HEATR3: variants seen among roughly 807,000 people sequenced by gnomAD.
HEATR3 encodes the protein HEAT repeat-containing protein 3.
HEATR3 carries 56 observed loss-of-function variants against 72.8 expected under a neutral mutation model. That is an observed-to-expected ratio of 0.77 (90% CI 0.62 to 0.96). The LOEUF is 0.96. Among genes scored for constraint, HEATR3 ranks in the 40% least tolerant of loss-of-function variants. The pLI is 0.00. For synonymous variants in HEATR3, 331 were observed against 318.1 expected (o/e 1.04, Z -0.43); for missense variants, 747 against 831.4 (o/e 0.90, Z 1.25).
rs1397357675 is a variant in HEATR3, at chr16:50,075,629, T to C, written c.681T>C (p.Ala227=). The C allele has an allele frequency of 2.5e-6, 4 of 1,613,866 alleles. No individual in the cohort carries two copies. Among genetic ancestry groups the C allele is most frequent in the South Asian group, 2.2e-5 (2 of 91,080 alleles). ...CAGAGCTGCTGAAGTCTTTCAGTGC[T>C]ACAGCATTGAACATGCTGGAATCAG... The part of the protein sequence containing the change: ...DNPELLKSFS[A]TALNMLESAL... The change falls in exon 6 of 15, where the codon GCT becomes GCC. Residue 227 remains alanine (A), a synonymous_variant. Transcript: ENST00000299192.
At chr16:50,103,751 C>T (rs897963001) in intron 14 of HEATR3, among the ~76,000 whole-genome samples, 10 of 152,182 alleles carry the variant, frequency 6.6e-5, no homozygotes, top group Non-Finnish European at 1.0e-4. Context: ...ACAGGCCAGG[C>T]GCAGTGGCTC....
At chr16:50,104,366 C>A (rs924151001) in intron 14 of HEATR3, among the ~76,000 whole-genome samples, 3 of 152,076 alleles carry the variant, frequency 2.0e-5, no homozygotes, top group Middle Eastern at 3.4e-3. Context: ...AACAAAAAAA[C>A]CACAACACTA....
chr16:50,071,232 T>C (rs2036604142), intron 4 of HEATR3, among the ~76,000 whole-genome samples: 2 of 152,240 alleles, frequency 1.3e-5, no homozygotes, highest in African/African-American at 2.4e-5. Context: ...CAGTTTCTTA[T>C]CTTCAGTCAG....
At chr16:50,091,648 G>A (rs1357472881) in intron 11 of HEATR3, among the ~76,000 whole-genome samples, 2 of 152,056 alleles carry the variant, frequency 1.3e-5, no homozygotes, top group Non-Finnish European at 2.9e-5. Context: ...GCCGAGGCGG[G>A]CAGATCATGA....
Position 50,084,190 on chromosome 16 carries a change from A to T in HEATR3, c.1189A>T (p.Met397Leu), listed in dbSNP as rs1404718813. The change falls in exon 9 of 15, where the codon ATG (methionine) becomes TTG (leucine). Residue 397 changes from methionine to leucine, a missense_variant. Met to Leu is a conservative substitution (Grantham distance 15, BLOSUM62 2). Transcript: ENST00000299192. ...TAGCAGTGATGAAAGTGACGCATTT[A>T]TGGAGAATTCCTTCAGTGAGTGCGG... Reference protein sequence around the residue: ...LSSSDESDAFMENSFSECGGQ... With the variant: ...LSSSDESDAFLENSFSECGGQ... The T allele has an allele frequency of 6.2e-7, 1 of 1,614,070 alleles. No homozygotes were observed. Among genetic ancestry groups the T allele is most frequent in the Non-Finnish European group, 8.5e-7 (1 of 1,180,056 alleles).
chr16:50,085,409 T>C (rs917711444), intron 10 of HEATR3, among the ~76,000 whole-genome samples: 9 of 152,154 alleles, frequency 5.9e-5, no homozygotes. Flanking sequence ...GAGGATCACT[T>C]GAGGCCAGGA....
intron 7 of HEATR3, among the ~76,000 whole-genome samples, chr16:50,083,217 C>T (rs1334559641): frequency 6.6e-6 from 1 of 152,106 alleles, no homozygotes; most frequent in Non-Finnish European, 1.5e-5. Flanking sequence ...AGCTCATGTA[C>T]TGTTTTGGAA....
chr16:50,066,503 GC>G lies in HEATR3; in HGVS notation c.277del (p.Leu93TrpfsTer11). On this transcript the variant is annotated frameshift_variant, in exon 2 of 15. Transcript: ENST00000299192. LOFTEE classifies it high-confidence loss of function. ...CTCGGGCCGCTGCTGCTAGACCCCA[GC>G]CTGGCCGTCAGGGAGACTGCAGCCG... ...RRLGPLLLDP[S>X]LAVRETAAGA... The G allele has an allele frequency of 7.6e-7, 1 of 1,323,480 alleles. No homozygotes were observed. The highest frequency in any genetic ancestry group is 9.6e-7 in the Non-Finnish European group (1 of 1,042,384). 82.0% of individuals were successfully genotyped at this position (1,323,480 alleles called of 1,614,324 possible).
chr16:50,079,156 C>A, intron 7 of HEATR3, 138 bp downstream of exon 7: 3 of 774,074 alleles, frequency 3.9e-6, no homozygotes, highest in Non-Finnish European at 6.1e-6. Context: ...TCATATTTTC[C>A]TGTTGATTCT....
At chr16:50,095,668 C>T (rs1163769786) in intron 12 of HEATR3, among the ~76,000 whole-genome samples, 1 of 152,008 alleles carries the variant, frequency 6.6e-6, no homozygotes. Context: ...GCTGGGATTA[C>T]AGGTGTGCGC....
intron 12 of HEATR3, among the ~76,000 whole-genome samples, chr16:50,096,343 A>C (rs1408982319): frequency 2.6e-5 from 2 of 75,536 alleles, no homozygotes. Context: ...AAAAAAAAAA[A>C]AACAGAAAAA....
intron 13 of HEATR3, 113 bp downstream of exon 13, chr16:50,100,486 A>G (rs2037342718): frequency 3.8e-6 from 4 of 1,059,778 alleles, no homozygotes; most frequent in Non-Finnish European, 4.2e-6. Context: ...AGTCATATCA[A>G]GTTGCTTTAT....
intron 13 of HEATR3, among the ~76,000 whole-genome samples, chr16:50,101,106 C>T (rs992584875): frequency 6.9e-6 from 1 of 144,342 alleles, no homozygotes; most frequent in Non-Finnish European, 1.5e-5. Context: ...ACTTGCAAAG[C>T]TTTTTTTTTT....
chr16:50,092,335 C>T (rs2037131898), intron 11 of HEATR3, among the ~76,000 whole-genome samples: 1 of 151,832 alleles, frequency 6.6e-6, no homozygotes, highest in Non-Finnish European at 1.5e-5. Flanking sequence ...TATGAGACAG[C>T]CCTTGTTACT....
intron 10 of HEATR3, among the ~76,000 whole-genome samples, chr16:50,084,992 C>T (rs746439131): frequency 6.6e-5 from 10 of 151,920 alleles, no homozygotes; most frequent in Non-Finnish European, 1.3e-4. Flanking sequence ...ATTGTTGAAC[C>T]AAAAAAGCGA....
At chr16:50,097,650 C>T (rs898550131) in intron 12 of HEATR3, among the ~76,000 whole-genome samples, 1 of 152,098 alleles carries the variant, frequency 6.6e-6, no homozygotes, top group Non-Finnish European at 1.5e-5. Context: ...CACAGTGGCT[C>T]ATGCCTGTAA....
rs375630163 is a variant in HEATR3, at chr16:50,084,186, A to G, written c.1185A>G (p.Ala395=). 1.2e-6 allele frequency: 2 copies of G among 1,614,044 alleles called. No individual in the cohort carries two copies. The highest frequency in any genetic ancestry group is 1.3e-5 in the African/African-American group (1 of 74,908). Residue 395 remains alanine (A), a synonymous_variant, in exon 9 of 15, where the codon GCA becomes GCG. Coordinates refer to ENST00000299192, the MANE Select transcript of HEATR3 (RefSeq NM_182922.4). ...TTTCTAGCAGTGATGAAAGTGACGC[A>G]TTTATGGAGAATTCCTTCAGTGAGT... ...EELSSSDESD[A]FMENSFSECG...
At chr16:50,084,931 G>T (rs2036955590) in intron 10 of HEATR3, among the ~76,000 whole-genome samples, 1 of 152,260 alleles carries the variant, frequency 6.6e-6, no homozygotes, top group Non-Finnish European at 1.5e-5. Flanking sequence ...AATACATGCA[G>T]CAGTAAAAGG....
chr16:50,087,118 C>G (rs1009235759), intron 11 of HEATR3, among the ~76,000 whole-genome samples: 6 of 152,178 alleles, frequency 3.9e-5, no homozygotes, highest in Non-Finnish European at 7.3e-5. Flanking sequence ...GCACCAGTTA[C>G]TTGTGTATCC....
Sources: allele counts gnomAD v4.1 joint callset (sites outside exome capture counted in the v4.1 genomes callset), GRCh38; gene constraint gnomAD v4.1.1; transcripts MANE v1.5; gene names NCBI Gene and HGNC (gene_info 2026-07-23, HGNC 2026-07-21).